The following ULK4 variants were observed in gnomAD, a reference collection of about 807,000 sequenced individuals.
ULK4 encodes the protein inactive serine/threonine-protein kinase ULK4.
Under a neutral mutation model 160.6 loss-of-function variants are expected in ULK4, and 133 were observed. The observed-to-expected ratio is 0.83, with a 90% CI of 0.72 to 0.96. The LOEUF (loss-of-function observed/expected upper bound fraction) is 0.96, where lower values mean the gene tolerates loss of function less well. Ranked by LOEUF, ULK4 falls within the 40% of genes least tolerant of loss-of-function variation. ULK4 has a pLI of 0.00. For missense variants in ULK4, 1,580 were observed against 1,499.5 expected (o/e 1.05, Z -0.89); for synonymous variants, 534 against 539.8 (o/e 0.99, Z 0.15).
intron 35 of ULK4, among the ~76,000 whole-genome samples, chr3:41,375,532 C>A (rs148723004): frequency 6.7e-6 from 1 of 150,056 alleles, no homozygotes; most frequent in Non-Finnish European, 1.5e-5. Flanking sequence ...AATGGGCAAA[C>A]GATTCCCTAT....
chr3:41,256,195 A>G lies in ULK4; in HGVS notation c.3679-6621T>C, dbSNP rs1044336408. On this transcript the variant is annotated intron_variant, in intron 35 of 36. Transcript: ENST00000301831. Reference sequence around the variant, plus strand: ...TTTGTAATATAGAATAGCTGAGTCTATTGCTTCTTGGCCTTTTGGCTAAGA... The same window carrying G: ...TTTGTAATATAGAATAGCTGAGTCTGTTGCTTCTTGGCCTTTTGGCTAAGA... Among the ~76,000 whole-genome samples the G allele has an allele frequency of 3.4e-4, 52 of 152,352 alleles. 1 individual carries two copies. The highest frequency in any genetic ancestry group is 1.2e-3 in the African/African-American group (48 of 41,590).
At chr3:41,550,033 C>T (rs935145273) in intron 32 of ULK4, among the ~76,000 whole-genome samples, 1 of 152,040 alleles carries the variant, frequency 6.6e-6, no homozygotes, top group African/African-American at 2.4e-5. Context: ...CTCATCACCA[C>T]TAGGCCAGTC....
chr3:41,490,329 T>C (rs2084705230), intron 32 of ULK4, among the ~76,000 whole-genome samples: 1 of 152,122 alleles, frequency 6.6e-6, no homozygotes, highest in Middle Eastern at 3.2e-3. Context: ...TTCAAGTTCC[T>C]CCACACTCCA....
intron 5 of ULK4, among the ~76,000 whole-genome samples, chr3:41,929,684 T>C (rs905954721): frequency 6.6e-6 from 1 of 152,134 alleles, no homozygotes; most frequent in South Asian, 2.1e-4. Flanking sequence ...AGCATTCCTA[T>C]ACACCAATAA....
chr3:41,642,466 T>C (rs2034260776), intron 30 of ULK4, among the ~76,000 whole-genome samples: 1 of 152,150 alleles, frequency 6.6e-6, no homozygotes, highest in Non-Finnish European at 1.5e-5. Flanking sequence ...TGCCATAGTT[T>C]ACTGAGAATG....
At chr3:41,284,931 G>T (rs895596700) in intron 35 of ULK4, among the ~76,000 whole-genome samples, 1 of 152,112 alleles carries the variant, frequency 6.6e-6, no homozygotes, top group East Asian at 1.9e-4. Context: ...GTAGGCTAAG[G>T]ACATGAATAG....
intron 32 of ULK4, among the ~76,000 whole-genome samples, chr3:41,520,222 C>T (rs1360878760): frequency 6.6e-6 from 1 of 151,922 alleles, no homozygotes; most frequent in African/African-American, 2.4e-5. Context: ...CATTCTCCCT[C>T]CCCCCAGCCC....
In ULK4 at chr3:41,494,626, G is replaced by C. The variant is rs548954787; in HGVS notation, c.3227-31373C>G. 3.9e-5 allele frequency among the ~76,000 whole-genome samples: 6 copies of C among 152,274 alleles called. No individual in the cohort carries two copies. The South Asian group carries it at 8.3e-4, about 21-fold the overall frequency. ...AATAAAGGGCATTCAATTAGGAAAA[G>C]AGGAAGTCAAATTGTCCCTGTTTGC... On this transcript the variant is annotated intron_variant, in intron 32 of 36. Coordinates refer to ENST00000301831, the MANE Select transcript of ULK4 (RefSeq NM_017886.4).
At chr3:41,489,892 A>T (rs1028373149) in intron 32 of ULK4, among the ~76,000 whole-genome samples, 8 of 152,176 alleles carry the variant, frequency 5.3e-5, no homozygotes, top group Admixed American at 3.3e-4. Flanking sequence ...AGTCTCACAT[A>T]GGAATCTTTT....
intron 27 of ULK4, among the ~76,000 whole-genome samples, chr3:41,700,051 T>C (rs944872270): frequency 2.0e-4 from 30 of 152,230 alleles, no homozygotes; most frequent in African/African-American, 7.0e-4. Flanking sequence ...ATTTGATGAC[T>C]TGGAATTCAT....
At chr3:41,745,447 A>G (rs1412172154) in intron 22 of ULK4, among the ~76,000 whole-genome samples, 1 of 151,752 alleles carries the variant, frequency 6.6e-6, no homozygotes, top group Non-Finnish European at 1.5e-5. Context: ...CCAAAACTTG[A>G]CCTAGTAAAA....
intron 35 of ULK4, among the ~76,000 whole-genome samples, chr3:41,269,150 A>AT (rs1449618490): frequency 5.9e-5 from 9 of 152,180 alleles, no homozygotes; most frequent in Non-Finnish European, 1.3e-4. Context: ...GTTTTAGAAC[A>AT]TATCAGGATT....
intron 34 of ULK4, among the ~76,000 whole-genome samples, chr3:41,450,568 T>C (rs560067494): frequency 3.9e-4 from 59 of 152,352 alleles, no homozygotes; most frequent in African/African-American, 1.4e-3. Context: ...GCTAACAAGT[T>C]CATTCTGTTG....
chr3:41,797,352 T>C (rs146146221), intron 20 of ULK4, among the ~76,000 whole-genome samples: 5 of 152,204 alleles, frequency 3.3e-5, no homozygotes, highest in Admixed American at 6.5e-5. Context: ...ATGATGCAAA[T>C]GGATAATCAT....
rs879786898 is a variant in ULK4 at position 41,613,219 on chromosome 3, T to A, written c.3120+2450A>T. 1.9e-4 allele frequency among the ~76,000 whole-genome samples: 29 copies of A among 152,094 alleles called. 1 individual carries two copies. Among genetic ancestry groups the A allele is most frequent in the Admixed American group, 1.9e-3 (29 of 15,270 alleles). ...CTGCTTCCTTGAAACCTGAAATCTA[T>A]CAGCTCTAAGATGCACCATTATTTT... On this transcript the variant is annotated intron_variant, in intron 31 of 36. Coordinates refer to ENST00000301831, the MANE Select transcript of ULK4 (RefSeq NM_017886.4).
At chr3:41,879,679 T>A (rs1437127016) in intron 17 of ULK4, among the ~76,000 whole-genome samples, 1 of 152,170 alleles carries the variant, frequency 6.6e-6, no homozygotes, top group African/African-American at 2.4e-5. Context: ...GGTCTCCTTA[T>A]GTTGCCCAGG....
At chr3:41,780,277 C>A (rs1204806237) in intron 21 of ULK4, among the ~76,000 whole-genome samples, 4 of 151,986 alleles carry the variant, frequency 2.6e-5, no homozygotes, top group Non-Finnish European at 4.4e-5. Context: ...CACTGTACTC[C>A]AGCCTCGGAG....
chr3:41,631,376 G>A (rs1272285866), intron 30 of ULK4, among the ~76,000 whole-genome samples: 1 of 152,188 alleles, frequency 6.6e-6, no homozygotes, highest in Non-Finnish European at 1.5e-5. Context: ...GGCACAAAAC[G>A]TACATAAAAA....
chr3:41,866,904 CCT>C (rs1355346424), intron 17 of ULK4, among the ~76,000 whole-genome samples: 2 of 152,146 alleles, frequency 1.3e-5, no homozygotes, highest in Admixed American at 6.5e-5. Flanking sequence ...CAGATTATCC[CCT>C]TAGTATCTTT....
Sources: gnomAD v4.1 joint callset for allele counts (sites outside exome capture counted in the v4.1 genomes callset) on GRCh38, gnomAD v4.1.1 for gene constraint, MANE v1.5 for transcripts, NCBI Gene and HGNC (gene_info 2026-07-23, HGNC 2026-07-21) for gene names.